PAQR5: variants seen among roughly 807,000 people sequenced by gnomAD.
PAQR5 encodes the protein progestin and adipoQ receptor family member 5, also known as membrane progestin receptor gamma.
Under a neutral mutation model 34.5 loss-of-function variants are expected in PAQR5, and 20 were observed. The observed-to-expected ratio is 0.58, with a 90% CI of 0.41 to 0.84. The LOEUF is 0.84. Ranked by LOEUF, PAQR5 falls within the 40% of genes least tolerant of loss-of-function variation. PAQR5 has a pLI of 0.00. For missense variants in PAQR5, 378 were observed against 412.7 expected, an observed-to-expected ratio of 0.92 and a Z score of 0.73; for synonymous variants, 131 against 155.6, an observed-to-expected ratio of 0.84 and a Z score of 1.18.
At chr15:69,386,950 G>A (rs1160851615) in intron 5 of PAQR5, among the ~76,000 whole-genome samples, 4 of 151,982 alleles carry the variant, frequency 2.6e-5, no homozygotes, top group Non-Finnish European at 5.9e-5. Context: ...CTAATCCTCG[G>A]GGTCCCCTTC....
intron 8 of PAQR5, among the ~76,000 whole-genome samples, chr15:69,403,028 T>G (rs1254255999): frequency 1.3e-5 from 2 of 152,244 alleles, no homozygotes; most frequent in African/African-American, 4.8e-5. Context: ...GAGGTCCACT[T>G]GGTTAGTGGC....
At position 69,360,115 on chromosome 15, in the gene PAQR5, T is replaced by C; in HGVS notation, c.35T>C (p.Ile12Thr). Residue 12 changes from isoleucine to threonine, a missense_variant, in exon 3 of 9, where the codon ATA (isoleucine) becomes ACA (threonine). Transcript: ENST00000395407. The part of the protein sequence containing the change: ...LSLKLPRLFS[I>T]DQIPQVFHEQ... ...CTGAAGCTCCCCAGGCTGTTTAGCA[T>C]AGACCAGATACCCCAGGTATGTGCT... 1 of 1,613,534 alleles carries C rather than the reference T, an allele frequency of 6.2e-7. No homozygotes were observed. The highest frequency in any genetic ancestry group is 8.5e-7 in the Non-Finnish European group (1 of 1,179,492).
At chr15:69,397,901 G>A in intron 7 of PAQR5, 1 of 336,508 alleles carries the variant, frequency 3.0e-6, no homozygotes, top group Non-Finnish European at 5.6e-6. Flanking sequence ...GAGTGGTTAG[G>A]AGATGACATA....
At chr15:69,307,644 G>A (rs2053747867) in intron 1 of PAQR5, among the ~76,000 whole-genome samples, 1 of 152,230 alleles carries the variant, frequency 6.6e-6, no homozygotes, top group African/African-American at 2.4e-5. Flanking sequence ...TGTGGACAGT[G>A]AGAAGTGTCG....
intron 8 of PAQR5, among the ~76,000 whole-genome samples, chr15:69,402,196 C>T (rs59858487): frequency 0.078 from 11,840 of 152,264 alleles, 845 homozygotes; most frequent in East Asian, 0.18. Context: ...GAGATCAAAG[C>T]GTTGGCAAGT....
chr15:69,396,670 G>A (rs2056443491), intron 6 of PAQR5, among the ~76,000 whole-genome samples: 1 of 152,146 alleles, frequency 6.6e-6, no homozygotes, highest in African/African-American at 2.4e-5. Flanking sequence ...TTTGTGCAGA[G>A]ACCCTCCCTG....
intron 1 of PAQR5, among the ~76,000 whole-genome samples, chr15:69,327,348 T>C (rs1410368944): frequency 6.6e-6 from 1 of 152,132 alleles, no homozygotes; most frequent in East Asian, 1.9e-4. Context: ...TTCTACGCTC[T>C]TTCATCCTAG....
At chr15:69,300,638 TTTCTTTCTTTCTTTTCTTTCTTTCTTTCA>T (rs1249731682) in intron 1 of PAQR5, among the ~76,000 whole-genome samples, 384 of 37,546 alleles carry the variant, frequency 0.01, 44 homozygotes, top group Middle Eastern at 0.038. Flanking sequence ...TCTTTCTTTC[TTTCTTTCTTTCTTTTCTTTCTTTCTTTCA>T]TTCTTTCTCT....
At chr15:69,349,811 T>A (rs1316699076) in intron 2 of PAQR5, among the ~76,000 whole-genome samples, 1 of 151,812 alleles carries the variant, frequency 6.6e-6, no homozygotes, top group Non-Finnish European at 1.5e-5. Flanking sequence ...CCGGCTAATT[T>A]TTGTATTTTT....
intron 2 of PAQR5, among the ~76,000 whole-genome samples, chr15:69,354,785 G>T (rs1452047919): frequency 6.6e-6 from 1 of 152,112 alleles, no homozygotes; most frequent in African/African-American, 2.4e-5. Flanking sequence ...TGGACCAAGT[G>T]GGGAAGATCC....
At chr15:69,393,808 T>C (rs1278093636) in intron 6 of PAQR5, among the ~76,000 whole-genome samples, 2 of 152,212 alleles carry the variant, frequency 1.3e-5, no homozygotes, top group African/African-American at 4.8e-5. Flanking sequence ...AATCTCAACA[T>C]AGAGAGCTTT....
chr15:69,365,862 GA>G (rs1486312590), intron 3 of PAQR5, among the ~76,000 whole-genome samples: 1 of 152,170 alleles, frequency 6.6e-6, no homozygotes, highest in Non-Finnish European at 1.5e-5. Context: ...TAGTCTACGT[GA>G]ATGGCAACCT....
Position 69,314,053 on chromosome 15 carries a change from C to T in PAQR5, c.-277+14997C>T, listed in dbSNP as rs1331391716. 2.6e-5 allele frequency among the ~76,000 whole-genome samples: 4 copies of T among 152,136 alleles called. 1 individual carries two copies. In the South Asian group the frequency reaches 8.3e-4, roughly 32 times the overall value. ...CTCACTAATGCCTCCTGCCTGGAATCCTGGCTTGCTGAAAGGGAGTGATAG... is the reference window on the plus strand; with the variant it reads ...CTCACTAATGCCTCCTGCCTGGAATTCTGGCTTGCTGAAAGGGAGTGATAG... On this transcript the variant is annotated intron_variant, in intron 1 of 8. Transcript: ENST00000395407.
chr15:69,323,268 G>A (rs1054506598), intron 1 of PAQR5, among the ~76,000 whole-genome samples: 16 of 152,252 alleles, frequency 1.1e-4, no homozygotes, highest in African/African-American at 3.9e-4. Flanking sequence ...GCTTGATATA[G>A]GTCTACTAGC....
intron 1 of PAQR5, among the ~76,000 whole-genome samples, chr15:69,321,359 G>A (rs2054092093): frequency 6.6e-6 from 1 of 152,182 alleles, no homozygotes; most frequent in Non-Finnish European, 1.5e-5. Flanking sequence ...ACTCATGGCC[G>A]TTTTTTATCT....
chr15:69,376,950 T>A (rs983797798), intron 3 of PAQR5, among the ~76,000 whole-genome samples: 2 of 152,164 alleles, frequency 1.3e-5, no homozygotes, highest in African/African-American at 4.8e-5. Flanking sequence ...GTCCAGCCAC[T>A]GCCACTGTGG....
Position 69,403,768 on chromosome 15 carries a change from C to G in PAQR5, c.939C>G (p.Phe313Leu), listed in dbSNP as rs1405950741. Reference sequence around the variant, plus strand: ...TCAGCCTCAGCAACATAATTTATTTCTCAGCTGCTCTGTATCGGATTCCCA... The same window carrying G: ...TCAGCCTCAGCAACATAATTTATTTGTCAGCTGCTCTGTATCGGATTCCCA... The part of the protein sequence containing the change: ...IIFSLSNIIY[F>L]SAALYRIPKP... The change falls in exon 9 of 9, where the codon TTC becomes TTG. Residue 313 changes from phenylalanine to leucine, a missense_variant. Coordinates refer to ENST00000395407, the MANE Select transcript of PAQR5 (RefSeq NM_017705.4). The G allele has an allele frequency of 6.2e-7, 1 of 1,613,884 alleles. No individual in the cohort carries two copies. The highest frequency in any genetic ancestry group is 8.5e-7 in the Non-Finnish European group (1 of 1,179,858).
At chr15:69,391,659 G>A in intron 6 of PAQR5, 1 of 456,036 alleles carries the variant, frequency 2.2e-6, no homozygotes. Context: ...CGCTCTCCTA[G>A]GGCTGTGTGG....
intron 1 of PAQR5, among the ~76,000 whole-genome samples, chr15:69,318,085 G>A (rs183085912): frequency 1.6e-4 from 25 of 152,310 alleles, no homozygotes; most frequent in East Asian, 5.8e-4. Context: ...GCAATGTTTC[G>A]TTGCGAGGAC....
Sources: gnomAD v4.1 joint callset for allele counts (sites outside exome capture counted in the v4.1 genomes callset) on GRCh38, gnomAD v4.1.1 for gene constraint, MANE v1.5 for transcripts, NCBI Gene and HGNC (gene_info 2026-07-23, HGNC 2026-07-21) for gene names.